The following RTF2 variants were observed in gnomAD, a reference collection of about 807,000 sequenced individuals.
RTF2 encodes the protein replication termination factor 2, also known as UPF0549 protein C20orf43.
In RTF2, 18 loss-of-function variants were observed where a neutral mutation model predicts 38.0. That is an observed-to-expected ratio of 0.47 (90% CI 0.33 to 0.70). The LOEUF is 0.70. Among genes scored for constraint, RTF2 ranks in the 30% least tolerant of loss-of-function variants. RTF2 has a pLI of 0.02. For missense variants in RTF2, 311 were observed against 379.6 expected, an observed-to-expected ratio of 0.82 and a Z score of 1.50; for synonymous variants, 126 against 137.1, an observed-to-expected ratio of 0.92 and a Z score of 0.57.
intron 5 of RTF2, 125 bp from the exon 6 acceptor site, chr20:56,513,190 A>G (rs2146376583): frequency 7.6e-7 from 1 of 1,323,640 alleles, no homozygotes; most frequent in Non-Finnish European, 1.0e-6. Context: ...TTTGACCAGA[A>G]AGCCGGTAAT....
At chr20:56,513,819 A>G (rs941887437) in intron 6 of RTF2, 16 of 196,908 alleles carry the variant, frequency 8.1e-5, no homozygotes, top group Non-Finnish European at 1.5e-4. Context: ...TTAAGGCAGT[A>G]CATACTCAGG....
chr20:56,471,905 C>T (rs1294866873), intron 1 of RTF2, among the ~76,000 whole-genome samples: 1 of 152,198 alleles, frequency 6.6e-6, no homozygotes, highest in Non-Finnish European at 1.5e-5. Flanking sequence ...ACACAGTAAG[C>T]ACTTAAGCAG....
chr20:56,515,388 A>G (rs1016750119), intron 6 of RTF2, among the ~76,000 whole-genome samples: 1 of 152,166 alleles, frequency 6.6e-6, no homozygotes, highest in Admixed American at 6.5e-5. Flanking sequence ...CCTGGCCAAC[A>G]TGGTGAAACC....
chr20:56,486,183 T>TA (rs1982783985), intron 5 of RTF2, among the ~76,000 whole-genome samples: 1 of 152,116 alleles, frequency 6.6e-6, no homozygotes, highest in East Asian at 1.9e-4. Context: ...AGTCTCCCTT[T>TA]AATCTTCGTA....
At chr20:56,503,435 G>A (rs545792247) in intron 5 of RTF2, among the ~76,000 whole-genome samples, 31 of 152,274 alleles carry the variant, frequency 2.0e-4, no homozygotes, top group African/African-American at 5.5e-4. Context: ...GGATTTGCAC[G>A]TGGCCTTGAA....
intron 5 of RTF2, among the ~76,000 whole-genome samples, chr20:56,499,194 C>CTTTTTTTTTTTT (rs774875921): frequency 1.5e-5 from 2 of 133,040 alleles, no homozygotes; most frequent in South Asian, 2.4e-4. Flanking sequence ...TAATACTTAT[C>CTTTTTTTTTTTT]TTTTTTTTTT....
At chr20:56,510,087 TGA>T (rs1184021127) in intron 5 of RTF2, among the ~76,000 whole-genome samples, 1 of 152,076 alleles carries the variant, frequency 6.6e-6, no homozygotes, top group East Asian at 1.9e-4. Flanking sequence ...TGCCTAAGAC[TGA>T]GGAAAGGGGA....
intron 5 of RTF2, among the ~76,000 whole-genome samples, chr20:56,504,589 G>A (rs1467203627): frequency 1.3e-5 from 2 of 152,184 alleles, no homozygotes; most frequent in South Asian, 2.1e-4. Context: ...GTGAGTCTGC[G>A]CCATAGCATG....
intron 4 of RTF2, among the ~76,000 whole-genome samples, chr20:56,481,397 G>A (rs1391192749): frequency 6.6e-6 from 1 of 152,162 alleles, no homozygotes; most frequent in African/African-American, 2.4e-5. Context: ...GAACAACGAG[G>A]GGCTTCATGG....
chr20:56,501,244 C>G lies in RTF2; in HGVS notation c.478-12071C>G, dbSNP rs374227871. Among the ~76,000 whole-genome samples the G allele has an allele frequency of 3.3e-5, 5 of 151,344 alleles. 1 individual carries two copies. The highest frequency in any genetic ancestry group is 1.9e-4 in the East Asian group (1 of 5,154). On this transcript the variant is annotated intron_variant, in intron 5 of 8. Transcript: ENST00000357348. Reference sequence around the variant, plus strand: ...TTAAGATAATGGTGAACATTATTTTCAGTTTTGCAAACATTTCCTAGCAAT... The same window carrying G: ...TTAAGATAATGGTGAACATTATTTTGAGTTTTGCAAACATTTCCTAGCAAT...
chr20:56,475,747 GA>G lies in RTF2; in HGVS notation c.258+985del, dbSNP rs1167886766. On this transcript the variant is annotated intron_variant, in intron 3 of 8. Transcript: ENST00000357348. ...CATCAGCACATTACCCATCTGATGA[GA>G]AAAAAAAACAGTTATTGAAATTAAT... Among the ~76,000 whole-genome samples the G allele has an allele frequency of 6.1e-5, 9 of 148,654 alleles. No individual in the cohort carries two copies. In the East Asian group the frequency reaches 7.9e-4, roughly 13 times the overall value.
chr20:56,514,638 G>T (rs1279727230), intron 6 of RTF2, among the ~76,000 whole-genome samples: 1 of 152,128 alleles, frequency 6.6e-6, no homozygotes, highest in Admixed American at 6.5e-5. Flanking sequence ...TGGTTGTGAG[G>T]CTTTAAAAAG....
intron 5 of RTF2, among the ~76,000 whole-genome samples, chr20:56,493,910 G>A (rs66502180): frequency 0.27 from 41,346 of 152,058 alleles, 6,896 homozygotes; most frequent in South Asian, 0.43. Context: ...ATGCAGAGTC[G>A]GACTGGGAGC....
rs776619962 is a variant in RTF2 at position 56,497,439 on chromosome 20, A to G, written c.477+13250A>G. ...TTAGGGGGCCGCCCCTTTCCCTTCA[A>G]ATAAAGCGGAACACAGTTCATCTGG... On this transcript the variant is annotated intron_variant, in intron 5 of 8. Transcript: ENST00000357348. 2.6e-5 allele frequency: 40 copies of G among 1,538,834 alleles called. No individual in the cohort carries two copies. In the South Asian group the frequency reaches 2.8e-4, roughly 11 times the overall value.
In RTF2 at chr20:56,513,298, T is replaced by C; in HGVS notation, c.478-17T>C. 6.3e-7 allele frequency: 1 copy of C among 1,577,930 alleles called. No individual in the cohort carries two copies. Among genetic ancestry groups the C allele is most frequent in the Non-Finnish European group, 8.6e-7 (1 of 1,162,300 alleles). ...GACTGGTGATGGAATCTGCCCTCTC[T>C]TGTTTGCCCTCTCCAGTGTGGGGCT... On this transcript the variant is annotated splice_polypyrimidine_tract_variant and intron_variant, in intron 5 of 8. Coordinates refer to ENST00000357348, the MANE Select transcript of RTF2 (RefSeq NM_016407.5).
chr20:56,474,878 T>TGGAA, intron 3 of RTF2, 107 bp downstream of exon 3: 1 of 653,440 alleles, frequency 1.5e-6, no homozygotes, highest in Non-Finnish European at 2.6e-6. Flanking sequence ...TGGGATTCCA[T>TGGAA]TCCCACATGG....
chr20:56,468,761 G>C lies in RTF2; in HGVS notation c.64G>C (p.Glu22Gln). 1.3e-6 allele frequency: 2 copies of C among 1,581,122 alleles called. No individual in the cohort carries two copies. The highest frequency in any genetic ancestry group is 1.2e-5 in the South Asian group (1 of 86,510). Residue 22 changes from glutamate to glutamine, a missense_variant, in exon 1 of 9, where the codon GAG becomes CAG. By Grantham distance (29) the Glu-to-Gln change is conservative (BLOSUM62 2). Coordinates refer to ENST00000357348, the MANE Select transcript of RTF2 (RefSeq NM_016407.5). ...ACTGGTGAAGGGGCCGAAGAAGGTTGAGAAGGTCAGTGATGTGGGCCGGCT... is the reference window on the plus strand; with the variant it reads ...ACTGGTGAAGGGGCCGAAGAAGGTTCAGAAGGTCAGTGATGTGGGCCGGCT... ...HELVKGPKKVEKVDKDAELVA... is the reference protein window; with the variant it reads ...HELVKGPKKVQKVDKDAELVA...
At chr20:56,472,281 T>C (rs577759403) in intron 1 of RTF2, 5 of 1,056,156 alleles carry the variant, frequency 4.7e-6, no homozygotes, top group Non-Finnish European at 7.0e-6. Flanking sequence ...TTTTCTTTTC[T>C]CTTCCTATTT....
intron 5 of RTF2, 68 bp from the exon 6 acceptor site, chr20:56,513,247 G>C: frequency 6.5e-7 from 1 of 1,540,274 alleles, no homozygotes; most frequent in East Asian, 2.5e-5. Flanking sequence ...GCTGAGAGTG[G>C]GGGACTGAAG....
Sources: gnomAD v4.1 joint callset for allele counts (sites outside exome capture counted in the v4.1 genomes callset) on GRCh38, gnomAD v4.1.1 for gene constraint, MANE v1.5 for transcripts, NCBI Gene and HGNC (gene_info 2026-07-23, HGNC 2026-07-21) for gene names.